The following GPR160 variants were observed in gnomAD, a reference collection of about 807,000 sequenced individuals.
The protein encoded by GPR160 is G protein-coupled receptor 160, also known as probable G protein-coupled receptor 160.
Under a neutral mutation model 2.6 loss-of-function variants are expected in GPR160, and 2 were observed. The observed-to-expected ratio is 0.77, with a 90% CI of 0.32 to 2.44. GPR160 has a LOEUF of 2.44. Ranked by LOEUF, GPR160 falls within the 30% of genes most tolerant of loss-of-function variation. The probability of loss-of-function intolerance (pLI) is 0.11; values close to 1 mark genes in which losing one functional copy is unlikely to be tolerated. For synonymous variants in GPR160, 130 were observed against 132.2 expected (o/e 0.98, Z 0.12); for missense variants, 351 against 383.6 (o/e 0.91, Z 0.71).
intron 2 of GPR160, among the ~76,000 whole-genome samples, chr3:170,044,324 CAA>C (rs57817027): frequency 3.4e-5 from 3 of 89,258 alleles, no homozygotes; most frequent in Admixed American, 1.4e-4. Flanking sequence ...AACTCCATCT[CAA>C]AAAAAAAAAA....
rs530483378 is a variant in GPR160, at chr3:170,071,759, G to A, written c.-192-8015G>A. On this transcript the variant is annotated intron_variant, in intron 2 of 3. Coordinates refer to ENST00000355897, the MANE Select transcript of GPR160 (RefSeq NM_014373.3). ...GGCAGTGAGCTGAGATCACGCCACT[G>A]CACTCCAGCCTGGGCAACAGAGCAA... Among the ~76,000 whole-genome samples the A allele has an allele frequency of 4.6e-5, 7 of 152,272 alleles. No individual in the cohort carries two copies. In the South Asian group the frequency reaches 8.3e-4, roughly 18 times the overall value.
At chr3:170,077,305 C>T (rs1469336672) in intron 2 of GPR160, 1 of 151,982 alleles carries the variant, frequency 6.6e-6, no homozygotes, top group East Asian at 1.9e-4. Flanking sequence ...ATTATAAAAA[C>T]ACTTGAAGTT....
At position 170,084,262 on chromosome 3, in the gene GPR160, T is replaced by C. The variant is rs1315683462; in HGVS notation, c.290T>C (p.Phe97Ser). ...TTCACTAAATACCACATCTGCCTATTTACTCAAATTATTTCCTTTACTTAT... is the reference window on the plus strand; with the variant it reads ...TTCACTAAATACCACATCTGCCTATCTACTCAAATTATTTCCTTTACTTAT... ...IRFTKYHICL[F>S]TQIISFTYGF... The change falls in exon 4 of 4, where the codon TTT becomes TCT. Residue 97 changes from phenylalanine to serine, a missense_variant. Coordinates refer to ENST00000355897, the MANE Select transcript of GPR160 (RefSeq NM_014373.3). 2.9e-5 allele frequency: 46 copies of C among 1,608,610 alleles called. No individual in the cohort carries two copies. Among genetic ancestry groups the C allele is most frequent in the African/African-American group, 5.3e-5 (4 of 74,804 alleles).
At chr3:170,067,092 C>A (rs1232904059) in intron 2 of GPR160, among the ~76,000 whole-genome samples, 1 of 152,214 alleles carries the variant, frequency 6.6e-6, no homozygotes, top group East Asian at 1.9e-4. Context: ...GCAGCCTCAA[C>A]CTCCTGGGCT....
Position 170,084,744 on chromosome 3 carries a change from C to T in GPR160, c.772C>T (p.Leu258Phe). 1 of 1,609,926 alleles carries T rather than the reference C, an allele frequency of 6.2e-7. No homozygotes were observed. The highest frequency in any genetic ancestry group is 8.5e-7 in the Non-Finnish European group (1 of 1,176,606). Residue 258 changes from leucine to phenylalanine, a missense_variant, in exon 4 of 4, where the codon CTT (leucine) becomes TTT (phenylalanine). By Grantham distance (22) the Leu-to-Phe change is conservative. Coordinates refer to ENST00000355897, the MANE Select transcript of GPR160 (RefSeq NM_014373.3). ...FLSTWLPFVL[L>F]QVIIVLLKVQ... ...CAGTACCTGGTTACCATTTGTACTA[C>T]TTCAGGTAATCATTGTTTTACTTAA...
intron 2 of GPR160, among the ~76,000 whole-genome samples, chr3:170,044,292 C>G (rs1716597159): frequency 8.6e-6 from 1 of 115,904 alleles, no homozygotes; most frequent in African/African-American, 3.5e-5. Context: ...CCATTGCACT[C>G]CAGCCTGGGG....
At chr3:170,064,421 T>C (rs145929843) in intron 2 of GPR160, among the ~76,000 whole-genome samples, 1,734 of 151,672 alleles carry the variant, frequency 0.011, 36 homozygotes, top group African/African-American at 0.04. Flanking sequence ...GAATCTAAGA[T>C]AGGCCAAGGT....
At chr3:170,048,844 G>A (rs75194724) in intron 2 of GPR160, among the ~76,000 whole-genome samples, 2,389 of 152,250 alleles carry the variant, frequency 0.016, 81 homozygotes, top group African/African-American at 0.055. Context: ...CTGGCAGCAT[G>A]GCATCACCTG....
chr3:170,057,403 C>A (rs530379254), intron 2 of GPR160: 1 of 152,042 alleles, frequency 6.6e-6, no homozygotes, highest in Non-Finnish European at 1.5e-5. Context: ...ATGGTTGGCA[C>A]TGGCAATTTT....
At chr3:170,047,700 A>G (rs1716781518) in intron 2 of GPR160, among the ~76,000 whole-genome samples, 1 of 149,444 alleles carries the variant, frequency 6.7e-6, no homozygotes, top group Non-Finnish European at 1.5e-5. Flanking sequence ...ATATGTATAT[A>G]CACATCACAT....
chr3:170,073,539 A>G (rs1712702810), intron 2 of GPR160, among the ~76,000 whole-genome samples: 1 of 152,142 alleles, frequency 6.6e-6, no homozygotes, highest in South Asian at 2.1e-4. Flanking sequence ...GTGATCTTAT[A>G]GTCTTTCTCC....
intron 2 of GPR160, among the ~76,000 whole-genome samples, chr3:170,055,426 C>A (rs1711588396): frequency 2.0e-5 from 3 of 152,180 alleles, no homozygotes; most frequent in African/African-American, 7.2e-5. Context: ...AATGTCATAA[C>A]CTCTCTGGTG....
intron 3 of GPR160, among the ~76,000 whole-genome samples, chr3:170,082,823 G>T (rs1284574370): frequency 6.6e-6 from 1 of 150,870 alleles, no homozygotes. Flanking sequence ...TCCAACTCCT[G>T]GGCTCAAGCC....
At chr3:170,070,945 G>A (rs1413069418) in intron 2 of GPR160, among the ~76,000 whole-genome samples, 2 of 152,118 alleles carry the variant, frequency 1.3e-5, no homozygotes, top group Admixed American at 1.3e-4. Flanking sequence ...TTTGAAAAAT[G>A]TATATACTTG....
intron 2 of GPR160, among the ~76,000 whole-genome samples, chr3:170,042,884 CTT>C (rs200374138): frequency 2.3e-4 from 29 of 124,234 alleles, no homozygotes; most frequent in East Asian, 5.0e-4. Flanking sequence ...TCTTCACACA[CTT>C]TTTTTTTTTT....
chr3:170,041,030 C>T (rs1308356624), intron 2 of GPR160, among the ~76,000 whole-genome samples: 3 of 152,144 alleles, frequency 2.0e-5, no homozygotes, highest in African/African-American at 4.8e-5. Context: ...AATTCCTACT[C>T]ATTCTGTCAT....
chr3:170,050,772 A>G (rs1716922285), intron 2 of GPR160, among the ~76,000 whole-genome samples: 1 of 152,220 alleles, frequency 6.6e-6, no homozygotes, highest in East Asian at 1.9e-4. Flanking sequence ...ATGTTGCAGC[A>G]TGTATCAGTA....
At chr3:170,064,029 T>A (rs1388052194) in intron 2 of GPR160, among the ~76,000 whole-genome samples, 1 of 151,970 alleles carries the variant, frequency 6.6e-6, no homozygotes, top group Non-Finnish European at 1.5e-5. Context: ...TATTAAAAAA[T>A]AATAATAAAA....
At chr3:170,081,582 T>C (rs1713129778) in intron 3 of GPR160, among the ~76,000 whole-genome samples, 1 of 152,064 alleles carries the variant, frequency 6.6e-6, no homozygotes, top group Non-Finnish European at 1.5e-5. Context: ...CTCACAGTGA[T>C]TTATTTTTAT....
Sources: allele counts gnomAD v4.1 joint callset (sites outside exome capture counted in the v4.1 genomes callset), GRCh38; gene constraint gnomAD v4.1.1; transcripts MANE v1.5; gene names NCBI Gene and HGNC (gene_info 2026-07-23, HGNC 2026-07-21).